CDH18: variants seen among roughly 807,000 people sequenced by gnomAD.
CDH18 encodes the protein cadherin-18.
In CDH18, 31 loss-of-function variants were observed where a neutral mutation model predicts 67.9. That is an observed-to-expected ratio of 0.46 (90% CI 0.34 to 0.62). The LOEUF (loss-of-function observed/expected upper bound fraction) is 0.62, where lower values mean the gene tolerates loss of function less well. CDH18 is among the 20% of genes least tolerant of loss of function. The pLI is 0.01. For synonymous variants in CDH18, 362 were observed against 347.2 expected (o/e 1.04, Z -0.48); for missense variants, 890 against 975.5 (o/e 0.91, Z 1.17).
chr5:19,530,346 T>C (rs1272587497), intron 9 of CDH18, among the ~76,000 whole-genome samples: 6 of 152,048 alleles, frequency 3.9e-5, no homozygotes, highest in Non-Finnish European at 8.8e-5. Flanking sequence ...AAGGAAATTT[T>C]TGTTACCTTT....
At chr5:19,726,847 T>G (rs1341150575) in intron 4 of CDH18, among the ~76,000 whole-genome samples, 1 of 152,148 alleles carries the variant, frequency 6.6e-6, no homozygotes, top group Non-Finnish European at 1.5e-5. Flanking sequence ...AGGGTAGGGT[T>G]TTTGCAAATA....
chr5:19,585,343 T>C (rs1161100177), intron 7 of CDH18, among the ~76,000 whole-genome samples: 1 of 152,170 alleles, frequency 6.6e-6, no homozygotes, highest in African/African-American at 2.4e-5. Flanking sequence ...TCACTTTTTG[T>C]CAATATGAAG....
At chr5:19,489,998 T>C (rs1741132355) in intron 11 of CDH18, among the ~76,000 whole-genome samples, 1 of 151,934 alleles carries the variant, frequency 6.6e-6, no homozygotes, top group African/African-American at 2.4e-5. Context: ...TTAAAACAAA[T>C]ATAGGAGTCT....
intron 5 of CDH18, among the ~76,000 whole-genome samples, chr5:19,663,682 G>A (rs1757501078): frequency 6.6e-6 from 1 of 151,854 alleles, no homozygotes. Context: ...TACTATTTTA[G>A]GCACTGAAAA....
chr5:20,021,004 A>T (rs570451218), intron 2 of CDH18, among the ~76,000 whole-genome samples: 3 of 151,554 alleles, frequency 2.0e-5, no homozygotes, highest in Non-Finnish European at 4.4e-5. Flanking sequence ...AAGGTTCTCA[A>T]GGCCTTGGGA....
At chr5:20,198,400 A>C (rs970704921) in intron 2 of CDH18, among the ~76,000 whole-genome samples, 1 of 152,164 alleles carries the variant, frequency 6.6e-6, no homozygotes, top group African/African-American at 2.4e-5. Context: ...ATTGGAGGAA[A>C]GGTCACTCTT....
At chr5:19,848,802 A>G (rs1783309193) in intron 2 of CDH18, among the ~76,000 whole-genome samples, 1 of 151,088 alleles carries the variant, frequency 6.6e-6, no homozygotes, top group African/African-American at 2.4e-5. Flanking sequence ...CTATACATAT[A>G]TATCATATAA....
chr5:19,848,975 T>C (rs1324401069), intron 2 of CDH18, among the ~76,000 whole-genome samples: 2 of 151,296 alleles, frequency 1.3e-5, no homozygotes, highest in Non-Finnish European at 2.9e-5. Flanking sequence ...ATGTATATAA[T>C]ATAGCCTATA....
Position 19,803,542 on chromosome 5 carries a change from T to C in CDH18, c.228+35217A>G, listed in dbSNP as rs1438831396. Reference sequence around the variant, plus strand: ...CAACATAACCACAACTGCACAGTTATGTTGGCCAGCACTGGTCTAAACCCA... The same window carrying C: ...CAACATAACCACAACTGCACAGTTACGTTGGCCAGCACTGGTCTAAACCCA... On this transcript the variant is annotated intron_variant, in intron 3 of 12. Transcript: ENST00000382275. Among the ~76,000 whole-genome samples the C allele has an allele frequency of 2.6e-5, 4 of 152,200 alleles. No homozygotes were observed. In the East Asian group the frequency reaches 7.7e-4, roughly 29 times the overall value.
At chr5:19,781,608 C>A (rs1775122887) in intron 3 of CDH18, among the ~76,000 whole-genome samples, 1 of 152,022 alleles carries the variant, frequency 6.6e-6, no homozygotes, top group Non-Finnish European at 1.5e-5. Context: ...ACTGAAACCA[C>A]TTTAACATAA....
intron 1 of CDH18, among the ~76,000 whole-genome samples, chr5:20,424,079 GA>G (rs945854949): frequency 3.4e-5 from 5 of 148,870 alleles, no homozygotes; most frequent in Non-Finnish European, 7.4e-5. Flanking sequence ...AATTACAGCA[GA>G]AAAAAATGAG....
intron 2 of CDH18, among the ~76,000 whole-genome samples, chr5:19,842,621 T>C (rs1034256215): frequency 1.3e-5 from 2 of 152,088 alleles, no homozygotes; most frequent in African/African-American, 4.8e-5. Flanking sequence ...AATAATACAA[T>C]ACATTTTACC....
Position 19,605,704 on chromosome 5 carries a change from T to A in CDH18, c.811+6730A>T, listed in dbSNP as rs1008256867. ...GTAGGGAACTCAGGATGGAGTATGA[T>A]TCTTGAGAGAAAGAAACCATAACAA... On this transcript the variant is annotated intron_variant, in intron 6 of 12. Transcript: ENST00000382275. Among the ~76,000 whole-genome samples, 5 of 152,160 alleles carry A rather than the reference T, an allele frequency of 3.3e-5. No homozygotes were observed. The South Asian group carries it at 1.0e-3, about 32-fold the overall frequency.
intron 1 of CDH18, among the ~76,000 whole-genome samples, chr5:20,378,339 T>A (rs886812025): frequency 1.3e-5 from 2 of 151,956 alleles, no homozygotes; most frequent in East Asian, 3.9e-4. Flanking sequence ...GCCCAGCTAA[T>A]TTTTGGTATT....
chr5:19,839,445 A>C (rs995791711), intron 2 of CDH18, among the ~76,000 whole-genome samples: 7 of 152,180 alleles, frequency 4.6e-5, no homozygotes, highest in Admixed American at 1.3e-4. Context: ...ATTAATTCTC[A>C]ATGACAAATA....
intron 2 of CDH18, among the ~76,000 whole-genome samples, chr5:19,970,361 A>C (rs1188008062): frequency 6.6e-6 from 1 of 151,728 alleles, no homozygotes; most frequent in Non-Finnish European, 1.5e-5. Flanking sequence ...AATAAATGTC[A>C]TGCATTTCCA....
intron 2 of CDH18, among the ~76,000 whole-genome samples, chr5:19,960,076 A>G (rs981859914): frequency 2.6e-5 from 4 of 152,032 alleles, no homozygotes; most frequent in Non-Finnish European, 5.9e-5. Flanking sequence ...CTATGACATT[A>G]CTCTACACTA....
At chr5:20,544,755 G>C (rs565410630) in intron 1 of CDH18, among the ~76,000 whole-genome samples, 81 of 152,208 alleles carry the variant, frequency 5.3e-4, no homozygotes, top group Non-Finnish European at 9.9e-4. Context: ...GGGACACAGA[G>C]GCAAACCATA....
At chr5:19,571,512 T>G in intron 8 of CDH18, 67 bp downstream of exon 8, 1 of 1,373,430 alleles carries the variant, frequency 7.3e-7, no homozygotes, top group Non-Finnish European at 1.0e-6. Context: ...GTAATTTTAT[T>G]CAAGTTTAAT....
Sources: allele counts gnomAD v4.1 joint callset (sites outside exome capture counted in the v4.1 genomes callset), GRCh38; gene constraint gnomAD v4.1.1; transcripts MANE v1.5; gene names NCBI Gene and HGNC (gene_info 2026-07-23, HGNC 2026-07-21).